CAMKMT: variants seen among roughly 807,000 people sequenced by gnomAD.
CAMKMT encodes CaM KMT.
Under a neutral mutation model 48.0 loss-of-function variants are expected in CAMKMT, and 53 were observed. That is an observed-to-expected ratio of 1.10 (90% CI 0.89 to 1.39). The LOEUF (loss-of-function observed/expected upper bound fraction) is 1.39. Among genes scored for constraint, CAMKMT ranks in the 40% most tolerant of loss-of-function variants. The probability of loss-of-function intolerance (pLI) is 0.00; values close to 1 mark genes in which losing one functional copy is unlikely to be tolerated. For missense variants in CAMKMT, 428 were observed against 402.7 expected, an observed-to-expected ratio of 1.06 and a Z score of -0.54; for synonymous variants, 165 against 152.3, an observed-to-expected ratio of 1.08 and a Z score of -0.61.
At chr2:44,504,263 C>G (rs1036259191) in intron 3 of CAMKMT, among the ~76,000 whole-genome samples, 1 of 152,140 alleles carries the variant, frequency 6.6e-6, no homozygotes, top group African/African-American at 2.4e-5. Flanking sequence ...TATCTTCCCC[C>G]AGAATCCTAG....
At chr2:44,397,819 G>T (rs1032271624) in intron 3 of CAMKMT, among the ~76,000 whole-genome samples, 1 of 152,178 alleles carries the variant, frequency 6.6e-6, no homozygotes, top group African/African-American at 2.4e-5. Context: ...AGAACTTGGT[G>T]CTATCATGGG....
chr2:44,567,640 A>G (rs935081534), intron 3 of CAMKMT, among the ~76,000 whole-genome samples: 4 of 152,176 alleles, frequency 2.6e-5, no homozygotes, highest in African/African-American at 9.6e-5. Context: ...GCTATTAGAC[A>G]GAGACAGACA....
intron 3 of CAMKMT, among the ~76,000 whole-genome samples, chr2:44,432,279 C>T (rs557182517): frequency 2.1e-3 from 322 of 152,268 alleles, no homozygotes; most frequent in Non-Finnish European, 4.1e-3. Context: ...TCCCTGCACA[C>T]GGGTAATAAT....
At chr2:44,648,541 A>G (rs1042217782) in intron 3 of CAMKMT, among the ~76,000 whole-genome samples, 1 of 152,240 alleles carries the variant, frequency 6.6e-6, no homozygotes, top group Non-Finnish European at 1.5e-5. Context: ...AACAGCTGAT[A>G]TGGGACCAAT....
Position 44,766,523 on chromosome 2 carries a change from G to GT in CAMKMT, c.856_857insT (p.Glu286ValfsTer4). The GT allele has an allele frequency of 1.2e-6, 2 of 1,614,114 alleles. No homozygotes were observed. Among genetic ancestry groups the GT allele is most frequent in the Non-Finnish European group, 1.7e-6 (2 of 1,180,018 alleles). On this transcript the variant is annotated frameshift_variant, in exon 10 of 11. Transcript: ENST00000378494. LOFTEE classifies it high-confidence loss of function. ...AGCTGGTTTCTGTATCCAAAGACAT[G>GT]AAAATTATGATGAACACATTTCAAA...
At chr2:44,508,765 G>T (rs535854310) in intron 3 of CAMKMT, among the ~76,000 whole-genome samples, 1 of 152,114 alleles carries the variant, frequency 6.6e-6, no homozygotes, top group East Asian at 1.9e-4. Flanking sequence ...TTATGTTAAA[G>T]GCAGTGGAAA....
At chr2:44,714,976 C>T (rs778752140) in intron 6 of CAMKMT, among the ~76,000 whole-genome samples, 41 of 151,996 alleles carry the variant, frequency 2.7e-4, no homozygotes, top group Non-Finnish European at 2.9e-5. Flanking sequence ...GGTGGATTAC[C>T]TGAGGTCAGG....
intron 3 of CAMKMT, among the ~76,000 whole-genome samples, chr2:44,497,743 G>GAGAGAGAGAA (rs1491324733): frequency 6.8e-6 from 1 of 147,366 alleles, no homozygotes; most frequent in East Asian, 2.0e-4. Context: ...GAGAGAGAGA[G>GAGAGAGAGAA]GGATAGTATA....
rs185450639 is a variant in CAMKMT at position 44,758,759 on chromosome 2, T to G, written c.762+4641T>G. 1.1e-4 allele frequency among the ~76,000 whole-genome samples: 16 copies of G among 152,322 alleles called. No individual in the cohort carries two copies. In the East Asian group the frequency reaches 3.1e-3, roughly 29 times the overall value. ...CCTTAAAAGTCCATGACAACAGCAG[T>G]GTCCAGTATCAGAGGACCCAAACGT... On this transcript the variant is annotated intron_variant, in intron 9 of 10. Transcript: ENST00000378494.
intron 3 of CAMKMT, among the ~76,000 whole-genome samples, chr2:44,582,299 A>G (rs370414329): frequency 6.6e-6 from 1 of 152,246 alleles, no homozygotes; most frequent in Non-Finnish European, 1.5e-5. Context: ...TCTGAAAAGA[A>G]AAGAGCATAA....
chr2:44,734,229 C>T (rs1679234724), intron 7 of CAMKMT, among the ~76,000 whole-genome samples: 1 of 152,018 alleles, frequency 6.6e-6, no homozygotes, highest in Non-Finnish European at 1.5e-5. Context: ...TCATTCGTGG[C>T]ATCCCATAAA....
At chr2:44,598,203 A>G (rs1013775674) in intron 3 of CAMKMT, among the ~76,000 whole-genome samples, 3 of 152,124 alleles carry the variant, frequency 2.0e-5, no homozygotes, top group African/African-American at 7.3e-5. Flanking sequence ...CTTGTAATAT[A>G]AGGAAATGCT....
chr2:44,553,736 G>C (rs1225446227), intron 3 of CAMKMT, among the ~76,000 whole-genome samples: 1 of 152,152 alleles, frequency 6.6e-6, no homozygotes, highest in Non-Finnish European at 1.5e-5. Flanking sequence ...CATTAGATGG[G>C]AAGATAGTCA....
intron 3 of CAMKMT, among the ~76,000 whole-genome samples, chr2:44,592,175 G>C (rs1387432495): frequency 2.0e-5 from 3 of 151,628 alleles, no homozygotes; most frequent in Non-Finnish European, 4.4e-5. Context: ...TAACTAACCT[G>C]AATATTGTGC....
At chr2:44,747,272 T>C (rs1473076984) in intron 8 of CAMKMT, among the ~76,000 whole-genome samples, 2 of 152,364 alleles carry the variant, frequency 1.3e-5, no homozygotes, top group South Asian at 2.1e-4. Context: ...GTTTGATTTT[T>C]AAGCTGATTT....
intron 3 of CAMKMT, among the ~76,000 whole-genome samples, chr2:44,403,979 C>G (rs905117481): frequency 2.6e-5 from 4 of 152,256 alleles, no homozygotes; most frequent in Admixed American, 2.6e-4. Flanking sequence ...CTCTCCTAAG[C>G]TATAGTTTAT....
At chr2:44,413,707 T>C (rs2104486269) in intron 3 of CAMKMT, among the ~76,000 whole-genome samples, 1 of 151,198 alleles carries the variant, frequency 6.6e-6, no homozygotes, top group Non-Finnish European at 1.5e-5. Context: ...ATGGGAAATA[T>C]ATACATTTGT....
chr2:44,533,659 G>T (rs1207541230), intron 3 of CAMKMT, among the ~76,000 whole-genome samples: 1 of 152,176 alleles, frequency 6.6e-6, no homozygotes, highest in African/African-American at 2.4e-5. Flanking sequence ...ACTTAAGGGT[G>T]TCCTAAACCT....
At chr2:44,646,492 T>A (rs925720291) in intron 3 of CAMKMT, among the ~76,000 whole-genome samples, 1 of 152,188 alleles carries the variant, frequency 6.6e-6, no homozygotes, top group Non-Finnish European at 1.5e-5. Context: ...GCTGAATTAG[T>A]ACTGACTGCA....
Sources: gnomAD v4.1 joint callset for allele counts (sites outside exome capture counted in the v4.1 genomes callset) on GRCh38, gnomAD v4.1.1 for gene constraint, MANE v1.5 for transcripts, NCBI Gene and HGNC (gene_info 2026-07-23, HGNC 2026-07-21) for gene names.